TMEM63C: variants seen among roughly 807,000 people sequenced by gnomAD.
TMEM63C encodes the protein osmosensitive cation channel TMEM63C.
TMEM63C carries 32 observed loss-of-function variants against 99.2 expected under a neutral mutation model. The ratio of observed to expected loss-of-function variants is 0.32; its 90% confidence interval spans 0.24 to 0.43. TMEM63C has a LOEUF of 0.43. Among genes scored for constraint, TMEM63C ranks in the 20% least tolerant of loss-of-function variants. The pLI, the probability that TMEM63C is intolerant of heterozygous loss-of-function variation, is 1.00. For synonymous variants in TMEM63C, 376 were observed against 397.9 expected (o/e 0.94, Z 0.66); for missense variants, 826 against 1,053.0 (o/e 0.78, Z 2.98).
intron 6 of TMEM63C, among the ~76,000 whole-genome samples, chr14:77,230,715 A>T (rs1188879531): frequency 6.6e-6 from 1 of 151,202 alleles, no homozygotes; most frequent in Non-Finnish European, 1.5e-5. Context: ...TCATCCCAAA[A>T]TTATCTGCCC....
intron 1 of TMEM63C, among the ~76,000 whole-genome samples, chr14:77,187,788 G>C (rs1358344781): frequency 1.3e-5 from 2 of 152,282 alleles, no homozygotes; most frequent in East Asian, 3.9e-4. Flanking sequence ...TGGTGTCCCC[G>C]TGACTCTGCC....
intron 2 of TMEM63C, among the ~76,000 whole-genome samples, chr14:77,218,111 A>G (rs1888619825): frequency 6.6e-6 from 1 of 152,146 alleles, no homozygotes; most frequent in South Asian, 2.1e-4. Flanking sequence ...CCAAAGGATA[A>G]ATGCTCGAAA....
At position 77,191,787 on chromosome 14, in the gene TMEM63C, G is replaced by A. The variant is rs7342571; in HGVS notation, c.-77+9893G>A. Among the ~76,000 whole-genome samples the A allele has an allele frequency of 3.1e-3, 471 of 151,758 alleles. 4 individuals are homozygous for A. The highest frequency in any genetic ancestry group is 0.011 in the African/African-American group (446 of 41,398). On this transcript the variant is annotated intron_variant, in intron 1 of 23. Coordinates refer to ENST00000298351, the MANE Select transcript of TMEM63C (RefSeq NM_020431.4). The stretch of plus-strand genomic sequence containing the variant: ...TCGAACTCCCGACCTCAGGTGATCC[G>A]CCTGCCTCGGCCTCCCAAAGTGCCG...
chr14:77,243,421 C>A (rs1454623969), intron 15 of TMEM63C, among the ~76,000 whole-genome samples: 1 of 152,132 alleles, frequency 6.6e-6, no homozygotes, highest in Non-Finnish European at 1.5e-5. Context: ...GTGAGTGGCT[C>A]TGCTCTCTGC....
At chr14:77,245,379 C>A (rs1390598843) in intron 16 of TMEM63C, among the ~76,000 whole-genome samples, 1 of 152,176 alleles carries the variant, frequency 6.6e-6, no homozygotes, top group East Asian at 1.9e-4. Context: ...AATTTCCCAG[C>A]CCAGACCTCT....
chr14:77,230,394 G>C (rs1035159826), intron 6 of TMEM63C, among the ~76,000 whole-genome samples: 1 of 152,106 alleles, frequency 6.6e-6, no homozygotes, highest in Non-Finnish European at 1.5e-5. Flanking sequence ...CACACAGTAT[G>C]TGTTGTTTGT....
intron 12 of TMEM63C, 118 bp from the exon 13 acceptor site, chr14:77,240,357 C>G: frequency 7.9e-7 from 1 of 1,258,310 alleles, no homozygotes. Context: ...GTCCTGGGCT[C>G]CTTGAGGTGC....
Position 77,218,819 on chromosome 14 carries a change from T to A in TMEM63C, c.6T>A (p.Ser2=), listed in dbSNP as rs1205919520. The A allele has an allele frequency of 6.2e-7, 1 of 1,613,246 alleles. No homozygotes were observed. The highest frequency in any genetic ancestry group is 1.3e-5 in the African/African-American group (1 of 74,952). Residue 2 remains serine (S), a synonymous_variant, in exon 3 of 24, where the codon TCT becomes TCA. Coordinates refer to ENST00000298351, the MANE Select transcript of TMEM63C (RefSeq NM_020431.4). ...TTCCCAGGGATCCTCCCAGGATGTCTGCCTCACCAGACGACCTGAGTACAG... is the reference window on the plus strand; with the variant it reads ...TTCCCAGGGATCCTCCCAGGATGTCAGCCTCACCAGACGACCTGAGTACAG... M[S]ASPDDLSTGG... is the part of the protein sequence containing the mutation.
intron 1 of TMEM63C, among the ~76,000 whole-genome samples, chr14:77,208,200 G>A (rs897795120): frequency 6.6e-6 from 1 of 152,152 alleles, no homozygotes; most frequent in Admixed American, 6.5e-5. Flanking sequence ...GGAATCGCAG[G>A]GTCTCGAAAT....
chr14:77,212,893 C>T (rs1232548968), intron 1 of TMEM63C, among the ~76,000 whole-genome samples: 3 of 152,198 alleles, frequency 2.0e-5, no homozygotes, highest in Non-Finnish European at 2.9e-5. Flanking sequence ...ACTAGGGGTC[C>T]TCCCAGGCAG....
rs1157358235 is a variant in TMEM63C at position 77,249,443 on chromosome 14, T to G, written c.2023T>G (p.Ser675Ala). The change falls in exon 21 of 24, where the codon TCC (serine) becomes GCC (alanine). Residue 675 changes from serine (S) to alanine (A), a missense_variant. By Grantham distance (99) the Ser-to-Ala change is moderately conservative (BLOSUM62 1). Coordinates refer to ENST00000298351, the MANE Select transcript of TMEM63C (RefSeq NM_020431.4). ...LLGLFWMLFF[S>A]ILRLGSLHAI... Reference sequence around the variant, plus strand: ...GGGTCTGTTCTGGATGCTGTTCTTCTCCATCCTGCGGTTGGGTAGGTACCA... The same window carrying G: ...GGGTCTGTTCTGGATGCTGTTCTTCGCCATCCTGCGGTTGGGTAGGTACCA... The G allele has an allele frequency of 6.2e-7, 1 of 1,613,992 alleles. No homozygotes were observed. The highest frequency in any genetic ancestry group is 1.1e-5 in the South Asian group (1 of 91,080).
Position 77,256,568 on chromosome 14 carries a change from A to T in TMEM63C, c.2263A>T (p.Thr755Ser), listed in dbSNP as rs181306066. ...GCTGCAAGAACCGGAGTTGAATCTG[A>T]CCCCCGCCTCCTCCCCAGCCAGGCA... ...TVLQEPELNL[T>S]PASSPARHTY... Residue 755 changes from threonine (T) to serine (S), a missense_variant, in exon 24 of 24, where the codon ACC becomes TCC. Physicochemically the swap from Thr to Ser is moderately conservative, Grantham distance 58. Transcript: ENST00000298351. 100 of 1,613,554 alleles carry T rather than the reference A, an allele frequency of 6.2e-5. 1 individual carries two copies. In the African/African-American group the frequency reaches 1.2e-3, roughly 20 times the overall value.
intron 6 of TMEM63C, among the ~76,000 whole-genome samples, chr14:77,231,381 T>G (rs1483021814): frequency 6.6e-6 from 1 of 152,082 alleles, no homozygotes; most frequent in African/African-American, 2.4e-5. Context: ...TCTGTGAAAT[T>G]CAGTTAAAGT....
intron 1 of TMEM63C, among the ~76,000 whole-genome samples, chr14:77,200,147 T>C (rs1034273731): frequency 6.6e-6 from 1 of 152,206 alleles, no homozygotes; most frequent in Non-Finnish European, 1.5e-5. Flanking sequence ...CAGGTCTCCA[T>C]TCAAGTCCTC....
intron 1 of TMEM63C, among the ~76,000 whole-genome samples, chr14:77,203,052 C>T (rs558967216): frequency 1.3e-5 from 2 of 152,176 alleles, no homozygotes; most frequent in African/African-American, 4.8e-5. Flanking sequence ...TTGTTCAAAA[C>T]GGTTAGGTAT....
intron 1 of TMEM63C, among the ~76,000 whole-genome samples, chr14:77,196,726 A>G (rs1888220416): frequency 1.3e-5 from 2 of 152,240 alleles, no homozygotes; most frequent in Non-Finnish European, 2.9e-5. Flanking sequence ...GCAGAATCCA[A>G]CCGCAATCTC....
At chr14:77,209,320 A>C (rs1289432477) in intron 1 of TMEM63C, among the ~76,000 whole-genome samples, 5 of 152,096 alleles carry the variant, frequency 3.3e-5, no homozygotes, top group African/African-American at 1.2e-4. Flanking sequence ...CTTGGTAGCC[A>C]ATGTGCGCTA....
rs759904948 is a variant in TMEM63C at position 77,248,859 on chromosome 14, C to A, written c.1857C>A (p.Ile619=). Residue 619 remains isoleucine, a synonymous_variant, in exon 20 of 24, where the codon ATC becomes ATA. Coordinates refer to ENST00000298351, the MANE Select transcript of TMEM63C (RefSeq NM_020431.4). ...VVMAYSITCP[I]IVPFGLLYLC... ...TGGCGTACAGCATCACTTGCCCCAT[C>A]ATTGTGCCTTTTGGTGAGTCATCTC... The A allele has an allele frequency of 3.1e-6, 5 of 1,613,822 alleles. No homozygotes were observed.
At chr14:77,225,499 C>G in intron 6 of TMEM63C, 38 bp downstream of exon 6, 1 of 1,610,260 alleles carries the variant, frequency 6.2e-7, no homozygotes, top group South Asian at 1.1e-5. Flanking sequence ...GACCGTGTTG[C>G]CTTGGGGGTG....
Sources: allele counts gnomAD v4.1 joint callset (sites outside exome capture counted in the v4.1 genomes callset), GRCh38; gene constraint gnomAD v4.1.1; transcripts MANE v1.5; gene names NCBI Gene and HGNC (gene_info 2026-07-23, HGNC 2026-07-21).